STARD13: variants seen among roughly 807,000 people sequenced by gnomAD.
STARD13 encodes the protein StAR related lipid transfer domain containing 13.
STARD13 carries 62 observed loss-of-function variants against 106.4 expected under a neutral mutation model. That is an observed-to-expected ratio of 0.58 (90% CI 0.48 to 0.72). The LOEUF is 0.72. STARD13 is among the 30% of genes least tolerant of loss of function. STARD13 has a pLI of 0.00. For missense variants in STARD13, 1,387 were observed against 1,424.0 expected (o/e 0.97, Z 0.42); for synonymous variants, 565 against 553.0 (o/e 1.02, Z -0.31).
chr13:33,199,808 T>G (rs770409018), intron 1 of STARD13, among the ~76,000 whole-genome samples: 3 of 152,250 alleles, frequency 2.0e-5, no homozygotes, highest in Non-Finnish European at 4.4e-5. Context: ...GTATCTCATC[T>G]GCTTGCTGGG....
chr13:33,356,184 C>T, the STARD13 span, among the ~76,000 whole-genome samples: 4 of 152,184 alleles, frequency 2.6e-5, no homozygotes, highest in African/African-American at 9.7e-5. Flanking sequence ...GGATTGAAGA[C>T]GTTTCCAGTG....
intron 1 of STARD13, among the ~76,000 whole-genome samples, chr13:33,246,732 G>C (rs1445355389): frequency 2.6e-5 from 4 of 152,102 alleles, no homozygotes; most frequent in Admixed American, 6.6e-5. Context: ...GAGAGAGAGA[G>C]AGAGGAGAGA....
the STARD13 span, among the ~76,000 whole-genome samples, chr13:33,491,211 A>G: frequency 2.6e-5 from 4 of 152,324 alleles, no homozygotes; most frequent in African/African-American, 9.6e-5. Flanking sequence ...AAAACGGAAA[A>G]CATTTCTCCA....
At chr13:33,403,753 C>G in the STARD13 span, among the ~76,000 whole-genome samples, 1 of 152,186 alleles carries the variant, frequency 6.6e-6, no homozygotes, top group South Asian at 2.1e-4. Flanking sequence ...CATTTGGGTG[C>G]CAGGTTATAG....
rs746749586 is a variant in STARD13, at chr13:33,294,856, C to CACTT, written c.124+55430_124+55433dup. ...AATTATAATTTGAATATGAAATGAA[C>CACTT]ACTTGCTCATTGAAGAAATCCTATG... On this transcript the variant is annotated intron_variant, in intron 1 of 5. Transcript: ENST00000567873. Among the ~76,000 whole-genome samples the CACTT allele has an allele frequency of 1.3e-3, 204 of 152,218 alleles. 2 individuals carry two copies. Among genetic ancestry groups the CACTT allele is most frequent in the African/African-American group, 4.7e-3 (196 of 41,528 alleles).
intron 1 of STARD13, among the ~76,000 whole-genome samples, chr13:33,210,049 A>C (rs1385414909): frequency 6.6e-6 from 1 of 152,220 alleles, no homozygotes; most frequent in Non-Finnish European, 1.5e-5. Context: ...CTTCAACAGC[A>C]GACGCTGGGG....
chr13:33,282,066 AC>A (rs1205382772), intron 1 of STARD13, among the ~76,000 whole-genome samples: 1 of 152,122 alleles, frequency 6.6e-6, no homozygotes. Context: ...ATGGTCTTCC[AC>A]CACCCCCAGC....
intron 1 of STARD13, chr13:33,280,797 G>T (rs573621109): frequency 1.3e-5 from 2 of 152,290 alleles, no homozygotes; most frequent in African/African-American, 4.8e-5. Context: ...CAGAATCCTA[G>T]AATGTAGAGA....
chr13:33,449,942 A>T, the STARD13 span, among the ~76,000 whole-genome samples: 8 of 152,270 alleles, frequency 5.3e-5, no homozygotes, highest in Admixed American at 3.3e-4. Context: ...TGTATCTTGC[A>T]ACTTTGCTTA....
chr13:33,566,419 C>T, the STARD13 span, among the ~76,000 whole-genome samples: 1 of 147,800 alleles, frequency 6.8e-6, no homozygotes. Flanking sequence ...TTATTTATAT[C>T]TCTGCATGAT....
At chr13:33,132,154 G>C (rs2858826) in intron 4 of STARD13, among the ~76,000 whole-genome samples, 1 of 152,140 alleles carries the variant, frequency 6.6e-6, no homozygotes, top group East Asian at 1.9e-4. Flanking sequence ...AAGTGAAAGC[G>C]AGTACAAAGC....
At chr13:33,211,708 G>A (rs1289689593) in intron 1 of STARD13, among the ~76,000 whole-genome samples, 2 of 152,072 alleles carry the variant, frequency 1.3e-5, no homozygotes, top group Non-Finnish European at 2.9e-5. Context: ...AAAGAAGTCT[G>A]TACATGTTCA....
At chr13:33,289,695 A>G (rs1249550338), upstream of STARD13, among the ~76,000 whole-genome samples, 6 of 152,142 alleles carry the variant, frequency 3.9e-5, no homozygotes, top group Non-Finnish European at 8.8e-5. Context: ...GAATGCCTAC[A>G]TGGAAATATG....
At chr13:33,329,057 T>C (rs1203972010) in intron 1 of STARD13, among the ~76,000 whole-genome samples, 2 of 152,264 alleles carry the variant, frequency 1.3e-5, no homozygotes, top group African/African-American at 2.4e-5. Flanking sequence ...CATGAATTAA[T>C]ACTTTTCTTC....
chr13:33,557,368 CTCTTGTATAAA>C, the STARD13 span, among the ~76,000 whole-genome samples: 1 of 152,084 alleles, frequency 6.6e-6, no homozygotes, highest in Admixed American at 6.6e-5. Flanking sequence ...TAGCATAATA[CTCTTGTATAAA>C]TCTGGGAAAA....
At chr13:33,549,253 A>G in the STARD13 span, among the ~76,000 whole-genome samples, 3 of 152,200 alleles carry the variant, frequency 2.0e-5, no homozygotes, top group Non-Finnish European at 2.9e-5. Context: ...TATGTTTTCA[A>G]AATATTAAGT....
At chr13:33,496,681 C>G in the STARD13 span, among the ~76,000 whole-genome samples, 1 of 152,022 alleles carries the variant, frequency 6.6e-6, no homozygotes, top group Non-Finnish European at 1.5e-5. Context: ...TTCTATAACA[C>G]TGGAACAGGT....
intron 8 of STARD13, chr13:33,113,649 G>A: frequency 2.1e-6 from 1 of 469,012 alleles, no homozygotes; most frequent in Non-Finnish European, 4.3e-6. Flanking sequence ...TTATGGAAAT[G>A]GAGGCTGTGC....
At chr13:33,420,840 G>A in the STARD13 span, among the ~76,000 whole-genome samples, 1 of 152,160 alleles carries the variant, frequency 6.6e-6, no homozygotes, top group Non-Finnish European at 1.5e-5. Context: ...TGAACAACCT[G>A]CTCCTGAATG....
Sources: gnomAD v4.1 joint callset for allele counts (sites outside exome capture counted in the v4.1 genomes callset) on GRCh38, gnomAD v4.1.1 for gene constraint, MANE v1.5 for transcripts, NCBI Gene and HGNC (gene_info 2026-07-23, HGNC 2026-07-21) for gene names.